The following NDRG2 variants were observed in gnomAD, a reference collection of about 807,000 sequenced individuals.
The protein encoded by NDRG2 is protein NDRG2.
In NDRG2, 34 loss-of-function variants were observed where a neutral mutation model predicts 58.2. The ratio of observed to expected loss-of-function variants is 0.58; its 90% confidence interval spans 0.44 to 0.78. The LOEUF is 0.78. Among genes scored for constraint, NDRG2 ranks in the 30% least tolerant of loss-of-function variants. The probability of loss-of-function intolerance (pLI) is 0.00; values close to 1 mark genes in which losing one functional copy is unlikely to be tolerated. For synonymous variants in NDRG2, 187 were observed against 175.9 expected (o/e 1.06, Z -0.50); for missense variants, 434 against 471.2 (o/e 0.92, Z 0.73).
chr14:21,067,097 A>G (rs1365087365), intron 1 of NDRG2, among the ~76,000 whole-genome samples: 2 of 151,916 alleles, frequency 1.3e-5, no homozygotes, highest in African/African-American at 4.8e-5. Context: ...TAAAACCCCA[A>G]CCCTCCATAA....
rs145154293 is a variant in NDRG2, at chr14:21,024,457, G to A, written c.-434C>T. On this transcript the variant is annotated 5_prime_UTR_variant, in exon 1 of 16. Coordinates refer to ENST00000556147, the MANE Select transcript of NDRG2 (RefSeq NM_001320329.2). ...TTGGCCTCAATTTTCTATCTGCAGGGGGACTAAACGCGGGGGAATAGGGGA... is the reference window on the plus strand; with the variant it reads ...TTGGCCTCAATTTTCTATCTGCAGGAGGACTAAACGCGGGGGAATAGGGGA... 1,347 of 944,332 alleles carry A rather than the reference G, an allele frequency of 1.4e-3. No homozygotes were observed. The Middle Eastern group carries it at 0.016, about 11-fold the overall frequency. 58.5% of individuals were successfully genotyped at this position (944,332 alleles called of 1,614,324 possible).
rs1319881549 is a variant in NDRG2, at chr14:21,024,154, G to T, written c.-131C>A. ...GGGAGACAGACCTGGGGTCTTTCAG[G>T]GACGGAAAGCCTCAGCCAAGACCCA... On this transcript the variant is annotated 5_prime_UTR_variant, in exon 1 of 16. Transcript: ENST00000556147. The T allele has an allele frequency of 4.1e-6, 4 of 985,194 alleles. No homozygotes were observed. The African/African-American group carries it at 7.0e-5, about 17-fold the overall frequency. 61.0% of individuals were successfully genotyped at this position (985,194 alleles called of 1,614,324 possible).
rs145293118 is a variant in NDRG2 at position 21,046,128 on chromosome 14, A to G, written c.25-22807T>C. Among the ~76,000 whole-genome samples, 625 of 152,376 alleles carry G rather than the reference A, an allele frequency of 4.1e-3. 2 individuals are homozygous for G. Among genetic ancestry groups the G allele is most frequent in the African/African-American group, 0.014 (593 of 41,592 alleles). On this transcript the variant is annotated intron_variant, in intron 1 of 14. Transcript: ENST00000403829. Reference sequence around the variant, plus strand: ...CCAATCAATTCTAAAAAGAGTAATTAAATCATAGATAGAATTATGATATAA... The same window carrying G: ...CCAATCAATTCTAAAAAGAGTAATTGAATCATAGATAGAATTATGATATAA...
Position 21,017,028 on chromosome 14 carries a change from C to T in NDRG2, c.*568G>A, listed in dbSNP as rs1316918803. 4.4e-6 allele frequency: 2 copies of T among 455,808 alleles called. No homozygotes were observed. Among genetic ancestry groups the T allele is most frequent in the Admixed American group, 4.7e-5 (2 of 42,554 alleles). The allele number at this position is 455,808 out of a possible 1,614,324, so 28.2% of individuals were successfully genotyped here. A position where few individuals can be genotyped will look rare whatever the true frequency, so the allele number is the denominator to read the frequency against. The stretch of plus-strand genomic sequence containing the variant: ...ACCAATCCTTCCCCACACTCGTTCA[C>T]TGCCCGCCAACTCCCATTCCAACTT... On this transcript the variant is annotated 3_prime_UTR_variant, in exon 16 of 16. Transcript: ENST00000556147.
chr14:21,065,179 AAAAC>A (rs200520464), intron 1 of NDRG2, among the ~76,000 whole-genome samples: 1,619 of 151,970 alleles, frequency 0.011, 35 homozygotes, highest in East Asian at 0.093. Context: ...CAAAAAAAAA[AAAAC>A]AAACAACAAC....
chr14:21,017,686 G>T lies in NDRG2; in HGVS notation c.1026C>A (p.Asn342Lys). Residue 342 changes from asparagine (N) to lysine (K), a missense_variant, in exon 16 of 16, where the codon AAC becomes AAA. Transcript: ENST00000556147. ...SLTSAASVDG[N>K]RSRSRTLSQS... Reference sequence around the variant, plus strand: ...GGGACAGGGTGCGAGAGCGGGACCGGTTGCCATCAACGGATGCTGCACTGG... The same window carrying T: ...GGGACAGGGTGCGAGAGCGGGACCGTTTGCCATCAACGGATGCTGCACTGG... 1 of 1,610,514 alleles carries T rather than the reference G, an allele frequency of 6.2e-7. No homozygotes were observed. The highest frequency in any genetic ancestry group is 8.5e-7 in the Non-Finnish European group (1 of 1,178,338).
chr14:21,025,785 A>C, upstream of NDRG2: 29 of 701,246 alleles, frequency 4.1e-5, no homozygotes, highest in Non-Finnish European at 4.6e-5. The surrounding 1 kb of genome is among the most constrained non-coding windows in gnomAD (Gnocchi z 5.1). Flanking sequence ...CGCTATAAAT[A>C]GAGGGCGATC....
chr14:21,028,965 A>T (rs1051498365), upstream of NDRG2: 5 of 152,222 alleles, frequency 3.3e-5, no homozygotes, highest in African/African-American at 1.2e-4. Flanking sequence ...ATCTATCTGT[A>T]GTGCTTCTGG....
intron 1 of NDRG2, among the ~76,000 whole-genome samples, chr14:21,037,340 G>A (rs1342716829): frequency 7.2e-5 from 11 of 152,350 alleles, no homozygotes; most frequent in South Asian, 6.2e-4. Context: ...CATGTGCTCC[G>A]TAAGCCTGAG....
intron 1 of NDRG2, chr14:21,033,857 A>C (rs776353982): frequency 6.2e-7 from 1 of 1,613,866 alleles, no homozygotes; most frequent in African/African-American, 1.3e-5. Flanking sequence ...CTATTGGATC[A>C]GCTTCATACT....
intron 15 of NDRG2, 109 bp downstream of exon 15, chr14:21,017,878 G>C: frequency 1.2e-6 from 2 of 1,602,320 alleles, no homozygotes; most frequent in Non-Finnish European, 1.7e-6. Flanking sequence ...GGGGATCAAC[G>C]AGCTCGATTG....
intron 6 of NDRG2, 33 bp from the exon 7 acceptor site, chr14:21,020,877 G>T: frequency 6.2e-7 from 1 of 1,610,008 alleles, no homozygotes; most frequent in Non-Finnish European, 8.5e-7. Flanking sequence ...CGCCTCATGG[G>T]ATCTGCTGTC....
At chr14:21,064,688 AG>A (rs1409814064) in intron 1 of NDRG2, among the ~76,000 whole-genome samples, 1 of 152,282 alleles carries the variant, frequency 6.6e-6, no homozygotes, top group African/African-American at 2.4e-5. Flanking sequence ...TGAAGAAAGC[AG>A]AACACAAAAC....
intron 1 of NDRG2, among the ~76,000 whole-genome samples, chr14:21,049,706 A>T (rs1189432063): frequency 1.3e-5 from 2 of 152,162 alleles, no homozygotes; most frequent in Non-Finnish European, 2.9e-5. Context: ...TTTTTTGAAC[A>T]AGCCTTGTGA....
At chr14:21,056,874 G>T (rs1885697743) in intron 1 of NDRG2, among the ~76,000 whole-genome samples, 1 of 152,162 alleles carries the variant, frequency 6.6e-6, no homozygotes, top group African/African-American at 2.4e-5. Flanking sequence ...GTCCCTTCCA[G>T]CCCTGACCCT....
chr14:21,030,704 TG>T (rs1304100835), upstream of NDRG2: 1 of 1,614,150 alleles, frequency 6.2e-7, no homozygotes, highest in South Asian at 1.1e-5. Context: ...GCATCATGGA[TG>T]GCAAGACAGT....
At chr14:21,025,196 G>T, upstream of NDRG2, 3 of 866,236 alleles carry the variant, frequency 3.5e-6, no homozygotes, top group Non-Finnish European at 4.2e-6. This position sits in a 1 kb window ranked among gnomAD's most constrained non-coding sequence, Gnocchi z 5.1. Context: ...CTTTCACCCC[G>T]CCCAGACTGC....
rs528610037 is a variant in NDRG2 at position 21,017,485 on chromosome 14, T to C, written c.*111A>G. The C allele has an allele frequency of 1.1e-5, 13 of 1,211,110 alleles. No homozygotes were observed. 75.0% of individuals were successfully genotyped at this position (1,211,110 alleles called of 1,614,324 possible). A position where few individuals can be genotyped will look rare whatever the true frequency, so the allele number is the denominator to read the frequency against. ...CAAAGATCAAGGTCATCTCCCCGCATGATCTGCCCTTTTTCCCTTGCTTAC... is the reference window on the plus strand; with the variant it reads ...CAAAGATCAAGGTCATCTCCCCGCACGATCTGCCCTTTTTCCCTTGCTTAC... On this transcript the variant is annotated 3_prime_UTR_variant, in exon 16 of 16. Coordinates refer to ENST00000556147, the MANE Select transcript of NDRG2 (RefSeq NM_001320329.2).
Position 21,068,290 on chromosome 14 carries a change from C to T in NDRG2, c.24+2538G>A, listed in dbSNP as rs1463897890. Among the ~76,000 whole-genome samples the T allele has an allele frequency of 7.3e-4, 9 of 12,290 alleles. 4 individuals are homozygous for T. The East Asian group carries it at 0.037, about 51-fold the overall frequency. The allele number at this position is 12,290 out of a possible 152,430, so 8.1% of individuals were successfully genotyped here. ...CTGGGATTACAGGCGTGAGCCACCGCGCCCGGCCGGCTCCCCTTTTTCTCC... is the reference window on the plus strand; with the variant it reads ...CTGGGATTACAGGCGTGAGCCACCGTGCCCGGCCGGCTCCCCTTTTTCTCC... On this transcript the variant is annotated intron_variant, in intron 1 of 14. Transcript: ENST00000403829.
Sources: allele counts gnomAD v4.1 joint callset (sites outside exome capture counted in the v4.1 genomes callset), GRCh38; gene constraint gnomAD v4.1.1; non-coding constraint Gnocchi (gnomAD v3.1); transcripts MANE v1.5; gene names NCBI Gene and HGNC (gene_info 2026-07-23, HGNC 2026-07-21).